SHTN1: variants seen among roughly 807,000 people sequenced by gnomAD.
SHTN1 encodes the protein shootin-1.
A neutral mutation model predicts 83.1 loss-of-function variants in SHTN1; 42 were observed. The observed-to-expected ratio is 0.51, with a 90% CI of 0.39 to 0.65. SHTN1 has a LOEUF of 0.65. Among genes scored for constraint, SHTN1 ranks in the 30% least tolerant of loss-of-function variants. The pLI, the probability that SHTN1 is intolerant of heterozygous loss-of-function variation, is 0.00. For synonymous variants in SHTN1, 224 were observed against 247.7 expected (o/e 0.90, Z 0.90); for missense variants, 622 against 737.8 (o/e 0.84, Z 1.82).
At chr10:117,104,647 G>C (rs963340202) in intron 1 of SHTN1, among the ~76,000 whole-genome samples, 4 of 152,038 alleles carry the variant, frequency 2.6e-5, no homozygotes, top group Non-Finnish European at 5.9e-5. Flanking sequence ...GGTGGTGGGC[G>C]CCTGTAGCCC....
chr10:117,123,618 T>C (rs1191114215), intron 1 of SHTN1, among the ~76,000 whole-genome samples: 1 of 152,122 alleles, frequency 6.6e-6, no homozygotes, highest in African/African-American at 2.4e-5. Flanking sequence ...CTTAAAAGGA[T>C]TGCTGGCCAG....
At chr10:116,927,695 A>G (rs1848796894) in intron 11 of SHTN1, 97 bp downstream of exon 11, 1 of 1,391,616 alleles carries the variant, frequency 7.2e-7, no homozygotes, top group Admixed American at 2.7e-5. Flanking sequence ...GAGAAGCATC[A>G]GCTAGTATCT....
chr10:116,905,687 G>T (rs753371307), intron 15 of SHTN1, among the ~76,000 whole-genome samples: 7 of 152,246 alleles, frequency 4.6e-5, no homozygotes, highest in Non-Finnish European at 7.4e-5. Context: ...GCATTTTCCA[G>T]ATTTAAACTG....
At chr10:117,108,432 T>A (rs1564961915) in intron 1 of SHTN1, among the ~76,000 whole-genome samples, 1 of 151,594 alleles carries the variant, frequency 6.6e-6, no homozygotes. Flanking sequence ...CTGGAAACCA[T>A]CATTCTCAGC....
chr10:116,993,017 C>CTTTTTTTTTTT (rs35364697), intron 1 of SHTN1, among the ~76,000 whole-genome samples: 51 of 121,190 alleles, frequency 4.2e-4, no homozygotes, highest in South Asian at 5.1e-4. Flanking sequence ...TCTTTTTTTT[C>CTTTTTTTTTTT]TTTTTTTTTT....
chr10:117,106,754 T>C (rs1471857459), intron 1 of SHTN1, among the ~76,000 whole-genome samples: 1 of 152,176 alleles, frequency 6.6e-6, no homozygotes, highest in African/African-American at 2.4e-5. Context: ...GGTGATCATG[T>C]TTCTTATGCA....
chr10:116,989,285 A>G (rs762171783), intron 1 of SHTN1, among the ~76,000 whole-genome samples: 20 of 152,336 alleles, frequency 1.3e-4, no homozygotes, highest in African/African-American at 4.6e-4. Context: ...ACTAAAGTCC[A>G]TATTTTATTC....
Position 116,994,333 on chromosome 10 carries a change from T to C in SHTN1, c.58+10689A>G, listed in dbSNP as rs570131082. ...GAAAAGAGAGCAAGAGAAAGTCTTG[T>C]ATGGTTAAACTAACAAAAGTTGAAT... On this transcript the variant is annotated intron_variant, in intron 1 of 16. Coordinates refer to ENST00000355371, the MANE Select transcript of SHTN1 (RefSeq NM_001127211.3). Among the ~76,000 whole-genome samples the C allele has an allele frequency of 7.4e-4, 112 of 152,228 alleles. 2 individuals are homozygous for C. The South Asian group carries it at 0.022, about 30-fold the overall frequency.
intron 2 of SHTN1, among the ~76,000 whole-genome samples, chr10:117,013,233 G>A (rs1432384271): frequency 6.6e-6 from 1 of 152,066 alleles, no homozygotes; most frequent in African/African-American, 2.4e-5. Flanking sequence ...GGAGTGCAGT[G>A]GTACCATCTC....
intron 6 of SHTN1, among the ~76,000 whole-genome samples, chr10:116,949,502 C>G (rs1849701844): frequency 3.9e-5 from 6 of 151,998 alleles, no homozygotes; most frequent in Admixed American, 3.9e-4. Context: ...TAGTCAAGAT[C>G]CGATACTCAA....
intron 2 of SHTN1, among the ~76,000 whole-genome samples, chr10:117,043,071 T>A (rs761917060): frequency 6.6e-6 from 1 of 152,040 alleles, no homozygotes; most frequent in African/African-American, 2.4e-5. Flanking sequence ...TTTTTCAAAC[T>A]TATTTTACAT....
chr10:117,053,247 GA>G (rs371548019), intron 1 of SHTN1, among the ~76,000 whole-genome samples: 1 of 151,376 alleles, frequency 6.6e-6, no homozygotes, highest in Non-Finnish European at 1.5e-5. Flanking sequence ...AACAACAAAA[GA>G]AAAAATAGAT....
chr10:116,971,317 G>T (rs1250023635), intron 2 of SHTN1, among the ~76,000 whole-genome samples: 1 of 152,142 alleles, frequency 6.6e-6, no homozygotes, highest in Non-Finnish European at 1.5e-5. Context: ...CCCATCCTCT[G>T]TAAAAAATAA....
intron 1 of SHTN1, among the ~76,000 whole-genome samples, chr10:116,999,977 A>G (rs547623973): frequency 1.3e-5 from 2 of 152,316 alleles, no homozygotes; most frequent in Non-Finnish European, 2.9e-5. Flanking sequence ...ACTAGAAGAC[A>G]TAGTTCCTTA....
intron 1 of SHTN1, 33 bp downstream of exon 1, chr10:117,004,989 G>T (rs1305705030): frequency 6.4e-7 from 1 of 1,568,928 alleles, no homozygotes; most frequent in Admixed American, 1.9e-5. Flanking sequence ...ACGGGCCGCG[G>T]CTGCCCACAC....
rs1286700524 is a variant in SHTN1 at position 116,891,439 on chromosome 10, G to A, written c.1674-4873C>T. On this transcript the variant is annotated intron_variant, in intron 16 of 16. Coordinates refer to ENST00000355371, the MANE Select transcript of SHTN1 (RefSeq NM_001127211.3). ...CCAACAAATGACGCACAGCCGGACG[G>A]TCTGAACTCTGTTTCATTTACAATA... Among the ~76,000 whole-genome samples, 12 of 152,168 alleles carry A rather than the reference G, an allele frequency of 7.9e-5. No homozygotes were observed. The East Asian group carries it at 2.1e-3, about 27-fold the overall frequency.
rs1010852480 is a variant in SHTN1, at chr10:116,884,015, G to A, written c.*2329C>T. 11 of 223,416 alleles carry A rather than the reference G, an allele frequency of 4.9e-5. No individual in the cohort carries two copies. Among genetic ancestry groups the A allele is most frequent in the South Asian group, 1.9e-4 (4 of 21,252 alleles). The allele number at this position is 223,416 out of a possible 1,614,324, so 13.8% of individuals were successfully genotyped here. On this transcript the variant is annotated 3_prime_UTR_variant, in exon 17 of 17. Transcript: ENST00000355371. ...CGGGCTATAAAATGCATCAACATTC[G>A]TTTTTCTTAAAGAAAAAAAATCCTC...
At chr10:117,024,708 A>AACT (rs1852307528) in intron 2 of SHTN1, among the ~76,000 whole-genome samples, 1 of 152,156 alleles carries the variant, frequency 6.6e-6, no homozygotes, top group Non-Finnish European at 1.5e-5. Flanking sequence ...GCAAATATTG[A>AACT]ACTATAGTTG....
rs1193434767 is a variant in SHTN1, at chr10:116,929,851, G to C, written c.1010C>G (p.Ser337Cys). The change falls in exon 10 of 17, where the codon TCT (serine) becomes TGT (cysteine). Residue 337 changes from serine to cysteine, a missense_variant and splice_region_variant. Physicochemically the swap from Ser to Cys is moderately radical, Grantham distance 112. Transcript: ENST00000355371. ...AGTAGCCTACTCAATGCTTTTACCAGAGTGCTTTAAATTTCTGGCTTTCTC... is the reference window on the plus strand; with the variant it reads ...AGTAGCCTACTCAATGCTTTTACCACAGTGCTTTAAATTTCTGGCTTTCTC... ...SEEKARNLKH[S>C]VDELQKRVNQ... The C allele has an allele frequency of 7.5e-6, 12 of 1,598,916 alleles. No homozygotes were observed. The highest frequency in any genetic ancestry group is 9.4e-6 in the Non-Finnish European group (11 of 1,174,004).
Sources: gnomAD v4.1 joint callset for allele counts (sites outside exome capture counted in the v4.1 genomes callset) on GRCh38, gnomAD v4.1.1 for gene constraint, MANE v1.5 for transcripts, NCBI Gene and HGNC (gene_info 2026-07-23, HGNC 2026-07-21) for gene names.